The following THSD7B variants were observed in gnomAD, a reference collection of about 807,000 sequenced individuals.
THSD7B encodes thrombospondin type-1 domain-containing protein 7B.
In THSD7B, 138 loss-of-function variants were observed where a neutral mutation model predicts 213.6. The ratio of observed to expected loss-of-function variants is 0.65; its 90% CI spans 0.56 to 0.74. THSD7B has a LOEUF of 0.74. THSD7B is among the 30% of genes least tolerant of loss of function. THSD7B has a pLI of 0.00. For missense variants in THSD7B, 1,931 were observed against 1,991.5 expected, an observed-to-expected ratio of 0.97 and a Z score of 0.58; for synonymous variants, 742 against 687.0, an observed-to-expected ratio of 1.08 and a Z score of -1.25.
intron 10 of THSD7B, among the ~76,000 whole-genome samples, chr2:137,262,406 G>A (rs928892704): frequency 6.6e-6 from 1 of 151,500 alleles, no homozygotes; most frequent in African/African-American, 2.4e-5. Context: ...GTTGTAGCAA[G>A]CAGCTATAGT....
chr2:137,225,379 A>G (rs1009060251), intron 7 of THSD7B, among the ~76,000 whole-genome samples: 1 of 152,228 alleles, frequency 6.6e-6, no homozygotes, highest in African/African-American at 2.4e-5. Flanking sequence ...ATGAGCTGAC[A>G]ATGAATTGTG....
chr2:136,944,755 C>T (rs1684902085), intron 2 of THSD7B, among the ~76,000 whole-genome samples: 1 of 146,728 alleles, frequency 6.8e-6, no homozygotes, highest in African/African-American at 2.5e-5. Context: ...GATCTTCCTC[C>T]ATCTCTTTAT....
At chr2:137,157,676 T>C (rs1679936668) in intron 5 of THSD7B, among the ~76,000 whole-genome samples, 1 of 152,102 alleles carries the variant, frequency 6.6e-6, no homozygotes. Context: ...TAGATCCCAA[T>C]CCCAGGTCCA....
rs900070226 is a variant in THSD7B at position 137,222,653 on chromosome 2, C to T, written c.1724-8391C>T. On this transcript the variant is annotated intron_variant, in intron 7 of 27. Transcript: ENST00000409968. ...TGGAAAAATTTGGATAATTATACCT[C>T]AAATACAAACATACAGAAAAGAGTT... Among the ~76,000 whole-genome samples, 8 of 152,252 alleles carry T rather than the reference C, an allele frequency of 5.3e-5. No individual in the cohort carries two copies. In the South Asian group the frequency reaches 1.7e-3, roughly 32 times the overall value.
intron 3 of THSD7B, among the ~76,000 whole-genome samples, chr2:137,080,122 G>A (rs190390002): frequency 2.6e-4 from 40 of 152,032 alleles, no homozygotes; most frequent in East Asian, 1.5e-3. Flanking sequence ...GATTACAGGC[G>A]TGAGCCACTG....
At chr2:137,361,776 C>T (rs112371511) in intron 12 of THSD7B, among the ~76,000 whole-genome samples, 3 of 151,902 alleles carry the variant, frequency 2.0e-5, no homozygotes, top group African/African-American at 7.2e-5. Context: ...CTGAAAGTGA[C>T]GGGGAGAATG....
intron 1 of THSD7B, among the ~76,000 whole-genome samples, chr2:136,861,576 GGTTTGCTCCACTTTGCA>G (rs1558829500): frequency 6.6e-6 from 1 of 152,114 alleles, no homozygotes; most frequent in African/African-American, 2.4e-5. Flanking sequence ...CCATGAATCT[GGTTTGCTCCACTTTGCA>G]GTCTTTAATC....
At chr2:137,483,861 A>C (rs531303033) in intron 15 of THSD7B, among the ~76,000 whole-genome samples, 1 of 152,282 alleles carries the variant, frequency 6.6e-6, no homozygotes, top group South Asian at 2.1e-4. Flanking sequence ...GTCCGTGTTC[A>C]TGGATAGAAA....
chr2:137,490,084 G>A (rs1191132147), intron 15 of THSD7B, among the ~76,000 whole-genome samples: 3 of 152,172 alleles, frequency 2.0e-5, no homozygotes, highest in Non-Finnish European at 2.9e-5. Context: ...CACCAAGCTA[G>A]CAGGGATGAT....
intron 20 of THSD7B, among the ~76,000 whole-genome samples, chr2:137,623,415 G>C (rs1469147791): frequency 6.6e-6 from 1 of 152,074 alleles, no homozygotes; most frequent in Non-Finnish European, 1.5e-5. Context: ...TTGAAAACTG[G>C]CACAAGACAC....
At chr2:137,095,563 G>A (rs1446294354) in intron 4 of THSD7B, among the ~76,000 whole-genome samples, 1 of 152,190 alleles carries the variant, frequency 6.6e-6, no homozygotes, top group Non-Finnish European at 1.5e-5. Flanking sequence ...ATGTAGGTAA[G>A]GAGTGGCAGT....
chr2:137,560,379 G>A (rs572391070), intron 15 of THSD7B, among the ~76,000 whole-genome samples: 16 of 152,312 alleles, frequency 1.1e-4, no homozygotes, highest in African/African-American at 3.8e-4. Context: ...ATACTATGCA[G>A]CCATAAAATA....
intron 12 of THSD7B, among the ~76,000 whole-genome samples, chr2:137,375,187 A>C (rs761657207): frequency 6.6e-6 from 1 of 152,172 alleles, no homozygotes; most frequent in African/African-American, 2.4e-5. Context: ...CAGAGTTTAG[A>C]GGTAAAAATA....
chr2:137,251,553 G>A (rs1284143818), intron 10 of THSD7B, among the ~76,000 whole-genome samples: 10 of 152,148 alleles, frequency 6.6e-5, no homozygotes, highest in Non-Finnish European at 5.9e-5. Context: ...TGCACTGTCT[G>A]ATAGGGTTTC....
At chr2:137,223,561 G>C (rs961902636) in intron 7 of THSD7B, among the ~76,000 whole-genome samples, 5 of 152,068 alleles carry the variant, frequency 3.3e-5, no homozygotes, top group Admixed American at 3.3e-4. Flanking sequence ...AAGCTGAAAG[G>C]CTTATCAACA....
rs113491418 is a variant in THSD7B, at chr2:137,024,445, A to G, written c.140-31975A>G. Among the ~76,000 whole-genome samples, 989 of 152,280 alleles carry G rather than the reference A, an allele frequency of 6.5e-3. 5 individuals are homozygous for G. The highest frequency in any genetic ancestry group is 9.2e-3 in the Non-Finnish European group (623 of 68,016). ...TCGCTGAGGATAGTACGTTTCTATC[A>G]TAATCCGCATTACCAATTATAAAAG... On this transcript the variant is annotated intron_variant, in intron 2 of 27. Coordinates refer to ENST00000409968, the MANE Select transcript of THSD7B (RefSeq NM_001316349.2).
intron 1 of THSD7B, among the ~76,000 whole-genome samples, chr2:136,774,081 A>G (rs1681558772): frequency 6.6e-6 from 1 of 152,012 alleles, no homozygotes; most frequent in Non-Finnish European, 1.5e-5. Flanking sequence ...CATAGTATGA[A>G]ATCACCTCAC....
chr2:137,573,456 T>C (rs1681398682), intron 17 of THSD7B, among the ~76,000 whole-genome samples: 1 of 152,122 alleles, frequency 6.6e-6, no homozygotes, highest in Non-Finnish European at 1.5e-5. Context: ...TTATCTTTGA[T>C]ATTTGTATAA....
chr2:136,983,377 A>ACACACACACACACACACACACACACACT, intron 2 of THSD7B, among the ~76,000 whole-genome samples: 1 of 146,300 alleles, frequency 6.8e-6, no homozygotes, highest in East Asian at 2.0e-4. Context: ...ACACGCACAC[A>ACACACACACACACACACACACACACACT]CACTCACTCT....
Sources: gnomAD v4.1 joint callset for allele counts (sites outside exome capture counted in the v4.1 genomes callset) on GRCh38, gnomAD v4.1.1 for gene constraint, MANE v1.5 for transcripts, NCBI Gene and HGNC (gene_info 2026-07-23, HGNC 2026-07-21) for gene names.